TMEM165: variants seen among roughly 807,000 people sequenced by gnomAD.
TMEM165 encodes the protein transmembrane protein 165, also known as putative divalent cation/proton antiporter TMEM165.
Under a neutral mutation model 30.0 loss-of-function variants are expected in TMEM165, and 19 were observed. That is an observed-to-expected ratio of 0.63 (90% CI 0.44 to 0.93). The LOEUF (loss-of-function observed/expected upper bound fraction) is 0.93, where lower values mean the gene tolerates loss of function less well. Ranked by LOEUF, TMEM165 falls within the 40% of genes least tolerant of loss-of-function variation. The pLI, the probability that TMEM165 is intolerant of heterozygous loss-of-function variation, is 0.00. For synonymous variants in TMEM165, 168 were observed against 162.9 expected (o/e 1.03, Z -0.24); for missense variants, 340 against 417.0 (o/e 0.82, Z 1.61).
intron 3 of TMEM165, chr4:55,448,886 A>G (rs771057001): frequency 1.9e-6 from 3 of 1,571,704 alleles, no homozygotes; most frequent in Non-Finnish European, 2.6e-6. Context: ...AAAATAAAAA[A>G]TAACACTGAA....
At chr4:55,403,862 G>A (rs553507499) in intron 1 of TMEM165, among the ~76,000 whole-genome samples, 22 of 151,820 alleles carry the variant, frequency 1.4e-4, no homozygotes, top group Non-Finnish European at 2.7e-4. Context: ...CTGTGTCCAC[G>A]TTCCTATTCT....
intron 3 of TMEM165, among the ~76,000 whole-genome samples, chr4:55,435,953 T>C (rs1208335917): frequency 6.6e-6 from 1 of 152,166 alleles, no homozygotes; most frequent in African/African-American, 2.4e-5. Context: ...AAACAAATAC[T>C]CTGAGGCCAG....
At position 55,396,043 on chromosome 4, in the gene TMEM165, T is replaced by C. The variant is rs116687212; in HGVS notation, c.-147T>C. The C allele has an allele frequency of 9.4e-3, 5,218 of 555,812 alleles. 250 individuals are homozygous for C. The African/African-American group carries it at 0.095, about 10-fold the overall frequency. 34.4% of individuals were successfully genotyped at this position (555,812 alleles called of 1,614,324 possible). On this transcript the variant is annotated 5_prime_UTR_variant, in exon 1 of 6. Coordinates refer to ENST00000381334, the MANE Select transcript of TMEM165 (RefSeq NM_018475.5). ...TGCCCCTCACCTCACTCCCGCTGCTTGCACCTCCCGGATGGTGCTGACTGC... is the reference window on the plus strand; with the variant it reads ...TGCCCCTCACCTCACTCCCGCTGCTCGCACCTCCCGGATGGTGCTGACTGC...
chr4:55,442,039 A>G (rs1723414499), intron 3 of TMEM165, among the ~76,000 whole-genome samples: 1 of 152,168 alleles, frequency 6.6e-6, no homozygotes, highest in Non-Finnish European at 1.5e-5. Flanking sequence ...TTGAGATAAT[A>G]TATTTTGAGC....
intron 4 of TMEM165, among the ~76,000 whole-genome samples, chr4:55,418,480 C>T (rs1007222815): frequency 4.0e-5 from 6 of 150,198 alleles, no homozygotes; most frequent in South Asian, 2.1e-4. Flanking sequence ...GCTGTGTTCG[C>T]GCCACTGCAC....
At chr4:55,415,876 A>T (rs1243394755) in intron 2 of TMEM165, 1 of 150,410 alleles carries the variant, frequency 6.6e-6, no homozygotes, top group Non-Finnish European at 1.5e-5. Context: ...TTTTTCTGAG[A>T]TGGGATCTCA....
At chr4:55,416,694 A>C (rs538377729) in intron 2 of TMEM165, among the ~76,000 whole-genome samples, 29 of 152,294 alleles carry the variant, frequency 1.9e-4, no homozygotes, top group African/African-American at 6.3e-4. Context: ...CAGTTATAAA[A>C]TCTCAGCTCT....
Position 55,396,378 on chromosome 4 carries a change from C to G in TMEM165, c.189C>G (p.Pro63=), listed in dbSNP as rs1720726157. The part of the protein sequence containing the change: ...LQPQPVAVQG[P]EPARVEKIFT... Reference sequence around the variant, plus strand: ...CGCAGCCTGTGGCTGTGCAGGGCCCCGAGCCGGCCCGGGTCGAGGTGAGCG... The same window carrying G: ...CGCAGCCTGTGGCTGTGCAGGGCCCGGAGCCGGCCCGGGTCGAGGTGAGCG... Residue 63 remains proline, a synonymous_variant, in exon 1 of 6, where the codon CCC becomes CCG. Coordinates refer to ENST00000381334, the MANE Select transcript of TMEM165 (RefSeq NM_018475.5). The G allele has an allele frequency of 3.3e-6, 5 of 1,494,732 alleles. No homozygotes were observed. The highest frequency in any genetic ancestry group is 2.2e-5 in the Admixed American group (1 of 45,272). 92.6% of individuals were successfully genotyped at this position (1,494,732 alleles called of 1,614,324 possible).
chr4:55,398,512 C>A (rs910896608), intron 1 of TMEM165, among the ~76,000 whole-genome samples: 9 of 152,220 alleles, frequency 5.9e-5, no homozygotes, highest in African/African-American at 2.2e-4. Flanking sequence ...TTATTTAATT[C>A]ACTAATGGAT....
chr4:55,396,489 C>T (rs1720734371), intron 1 of TMEM165, 93 bp downstream of exon 1: 3 of 1,159,550 alleles, frequency 2.6e-6, no homozygotes, highest in Non-Finnish European at 3.4e-6. Flanking sequence ...CTCCGCCGGC[C>T]TCGGCTGGGG....
rs1722885044 is a variant in TMEM165, at chr4:55,436,482, GAA to G, written c.408+11841_408+11842del. Among the ~76,000 whole-genome samples, 4 of 152,278 alleles carry G rather than the reference GAA, an allele frequency of 2.6e-5. No homozygotes were observed. The South Asian group carries it at 6.2e-4, about 24-fold the overall frequency. On this transcript the variant is annotated intron_variant, in intron 3 of 3. Transcript: ENST00000608091. Reference sequence around the variant, plus strand: ...AGATACAAAAAAATGTTAACAGAAAGAAAGTGAATTTTTACAATGAAAGTCCT... The same window carrying G: ...AGATACAAAAAAATGTTAACAGAAAGAGTGAATTTTTACAATGAAAGTCCT...
intron 4 of TMEM165, among the ~76,000 whole-genome samples, chr4:55,419,604 T>G (rs1721880887): frequency 6.6e-6 from 1 of 152,212 alleles, no homozygotes; most frequent in Non-Finnish European, 1.5e-5. Flanking sequence ...ACAGATTTAT[T>G]AAGATTTCAT....
chr4:55,443,031 G>GC (rs1723501107), intron 3 of TMEM165, among the ~76,000 whole-genome samples: 1 of 151,970 alleles, frequency 6.6e-6, no homozygotes, highest in African/African-American at 2.4e-5. Context: ...AAACCATTAT[G>GC]CCCCCTCCCC....
At chr4:55,420,791 C>T (rs1185392711) in intron 4 of TMEM165, among the ~76,000 whole-genome samples, 1 of 152,190 alleles carries the variant, frequency 6.6e-6, no homozygotes, top group African/African-American at 2.4e-5. Context: ...TTCACATAAT[C>T]CTAGTGTCCT....
rs1461926368 is a variant in TMEM165 at position 55,435,704 on chromosome 4, A to G, written c.408+11061A>G. 5 of 1,072,806 alleles carry G rather than the reference A, an allele frequency of 4.7e-6. No homozygotes were observed. The Admixed American group carries it at 5.6e-5, about 12-fold the overall frequency. The allele number at this position is 1,072,806 out of a possible 1,614,324, so 66.5% of individuals were successfully genotyped here. ...AGGGACAAAATCCTTAAAATTCTACATAATGCATATCACTTTCACTCTCTG... is the reference window on the plus strand; with the variant it reads ...AGGGACAAAATCCTTAAAATTCTACGTAATGCATATCACTTTCACTCTCTG... On this transcript the variant is annotated intron_variant, in intron 3 of 3. Transcript: ENST00000608091.
chr4:55,425,354 A>G, intron 5 of TMEM165, 22 bp from the exon 6 acceptor site: 2 of 1,604,558 alleles, frequency 1.2e-6, no homozygotes, highest in East Asian at 2.2e-5. Context: ...ACTGTATTTG[A>G]CTTTTTTTCT....
At chr4:55,450,153 G>A in intron 3 of TMEM165, 1 of 1,614,114 alleles carries the variant, frequency 6.2e-7, no homozygotes, top group Middle Eastern at 1.6e-4. Flanking sequence ...GGCAGAAGGG[G>A]TTGGGCTGTG....
chr4:55,447,707 A>G (rs774670556), intron 3 of TMEM165, among the ~76,000 whole-genome samples: 1 of 152,184 alleles, frequency 6.6e-6, no homozygotes, highest in Non-Finnish European at 1.5e-5. Flanking sequence ...AATAATATAG[A>G]AAGTATGTAT....
At chr4:55,436,539 C>G (rs141153273) in intron 3 of TMEM165, among the ~76,000 whole-genome samples, 1 of 152,292 alleles carries the variant, frequency 6.6e-6, no homozygotes, top group Admixed American at 6.5e-5. Flanking sequence ...CAACTTGATG[C>G]AGGGTTCTTA....
Sources: allele counts gnomAD v4.1 joint callset (sites outside exome capture counted in the v4.1 genomes callset), GRCh38; gene constraint gnomAD v4.1.1; transcripts MANE v1.5; gene names NCBI Gene and HGNC (gene_info 2026-07-23, HGNC 2026-07-21).